Variants in USP13 observed in about 807,000 individuals in gnomAD.
USP13 encodes ubiquitin carboxyl-terminal hydrolase 13.
A neutral mutation model predicts 107.8 loss-of-function variants in USP13; 68 were observed. The observed-to-expected ratio is 0.63, with a 90% CI of 0.52 to 0.77. The LOEUF is 0.77. Ranked by LOEUF, USP13 falls within the 30% of genes least tolerant of loss-of-function variation. USP13 has a pLI of 0.00. For missense variants in USP13, 945 were observed against 1,093.3 expected (o/e 0.86, Z 1.91); for synonymous variants, 377 against 389.5 (o/e 0.97, Z 0.38).
At chr3:179,737,915 G>A (rs1714050100) in intron 10 of USP13, among the ~76,000 whole-genome samples, 1 of 152,238 alleles carries the variant, frequency 6.6e-6, no homozygotes, top group African/African-American at 2.4e-5. Context: ...TATGTTTTCA[G>A]CAAGACAGGG....
chr3:179,671,802 G>A (rs1246516017), intron 1 of USP13, among the ~76,000 whole-genome samples: 1 of 151,892 alleles, frequency 6.6e-6, no homozygotes, highest in Non-Finnish European at 1.5e-5. Context: ...GGTCTTCTTG[G>A]CCTTCCTTTT....
In USP13 at chr3:179,764,121, T is replaced by TCA. The variant is rs773829043; in HGVS notation, c.2213_2214insAC (p.Met739ProfsTer40). On this transcript the variant is annotated frameshift_variant, in exon 18 of 21. Coordinates refer to ENST00000263966, the MANE Select transcript of USP13 (RefSeq NM_003940.3). LOFTEE classifies it high-confidence loss of function. ...AGAGGAAATCGTAGCTATCATCACC[T>TCA]CCATGGGATTTCAGCGAAATCAGGC... 6.2e-7 allele frequency: 1 copy of TCA among 1,613,890 alleles called. No homozygotes were observed. The highest frequency in any genetic ancestry group is 1.7e-5 in the Admixed American group (1 of 59,964).
At position 179,788,918 on chromosome 3, in the gene USP13, A is replaced by G. The variant is rs903664157; in HGVS notation, c.*4777A>G. On this transcript the variant is annotated 3_prime_UTR_variant, in exon 21 of 21. Coordinates refer to ENST00000263966, the MANE Select transcript of USP13 (RefSeq NM_003940.3). ...GATTTTTTTTTTCTGCCGAAAAACCAATATATATATGTATGATCCCAATTA... is the reference window on the plus strand; with the variant it reads ...GATTTTTTTTTTCTGCCGAAAAACCGATATATATATGTATGATCCCAATTA... The G allele has an allele frequency of 4.6e-5, 7 of 152,108 alleles. No individual in the cohort carries two copies. The highest frequency in any genetic ancestry group is 6.5e-5 in the Admixed American group (1 of 15,278). The allele number at this position is 152,108 out of a possible 1,614,324, so 9.4% of individuals were successfully genotyped here.
At chr3:179,741,054 A>T (rs1426797032) in intron 11 of USP13, among the ~76,000 whole-genome samples, 1 of 151,646 alleles carries the variant, frequency 6.6e-6, no homozygotes, top group African/African-American at 2.4e-5. Context: ...TGTGAGCTGG[A>T]AAGCCACTGA....
At chr3:179,777,443 CTTTT>C (rs11317182) in intron 19 of USP13, among the ~76,000 whole-genome samples, 4 of 113,696 alleles carry the variant, frequency 3.5e-5, no homozygotes, top group South Asian at 2.9e-4. Context: ...CTCTCTCTCT[CTTTT>C]TTTTTTTTTT....
At chr3:179,761,823 A>G (rs770507808) in intron 17 of USP13, among the ~76,000 whole-genome samples, 14 of 152,254 alleles carry the variant, frequency 9.2e-5, no homozygotes, top group Non-Finnish European at 7.3e-5. Context: ...CAAAAAGACC[A>G]ATAGAAAGAT....
intron 10 of USP13, among the ~76,000 whole-genome samples, chr3:179,731,515 G>A (rs550673310): frequency 3.9e-5 from 6 of 152,230 alleles, no homozygotes; most frequent in African/African-American, 1.2e-4. Flanking sequence ...GTAAGCTGCC[G>A]GGTGGTTCTT....
At chr3:179,777,831 A>C (rs1715601671) in intron 19 of USP13, among the ~76,000 whole-genome samples, 1 of 152,134 alleles carries the variant, frequency 6.6e-6, no homozygotes, top group Non-Finnish European at 1.5e-5. Flanking sequence ...TAAATTTAAG[A>C]TTAGGAATTT....
chr3:179,736,717 C>T (rs1714008660), intron 10 of USP13, among the ~76,000 whole-genome samples: 1 of 152,150 alleles, frequency 6.6e-6, no homozygotes, highest in Non-Finnish European at 1.5e-5. Context: ...TGAGAATGGG[C>T]CACAGTCCAG....
intron 1 of USP13, among the ~76,000 whole-genome samples, chr3:179,668,440 A>T (rs16830685): frequency 6.6e-6 from 1 of 152,180 alleles, no homozygotes. Flanking sequence ...ATTTACTTCA[A>T]TGGATCTGCT....
At chr3:179,730,325 T>A (rs1713756676) in intron 9 of USP13, 65 bp downstream of exon 9, 1 of 1,494,506 alleles carries the variant, frequency 6.7e-7, no homozygotes, top group Non-Finnish European at 9.1e-7. Context: ...TCATAGTGGA[T>A]ATCTCTGGGT....
intron 3 of USP13, among the ~76,000 whole-genome samples, chr3:179,694,813 A>AG (rs1218662196): frequency 2.0e-5 from 3 of 151,442 alleles, no homozygotes; most frequent in African/African-American, 7.3e-5. Flanking sequence ...AAAAAAAAAA[A>AG]AAAAAAAAAA....
chr3:179,708,738 C>G (rs1288715083), intron 5 of USP13, 35 bp from the exon 6 acceptor site: 11 of 1,608,994 alleles, frequency 6.8e-6, no homozygotes, highest in Non-Finnish European at 9.3e-6. Flanking sequence ...AAATTATGCC[C>G]TGGCTGTTCT....
intron 3 of USP13, among the ~76,000 whole-genome samples, chr3:179,693,993 A>G (rs1354438227): frequency 6.8e-6 from 1 of 147,990 alleles, no homozygotes; most frequent in Non-Finnish European, 1.5e-5. Context: ...TATTTTTGAG[A>G]CAGCATCTCA....
chr3:179,739,979 A>C lies in USP13; in HGVS notation c.1255-268A>C, dbSNP rs569202103. Among the ~76,000 whole-genome samples the C allele has an allele frequency of 2.6e-5, 4 of 152,298 alleles. No homozygotes were observed. The East Asian group carries it at 7.7e-4, about 29-fold the overall frequency. On this transcript the variant is annotated intron_variant, in intron 10 of 20. Coordinates refer to ENST00000263966, the MANE Select transcript of USP13 (RefSeq NM_003940.3). ...GCCGAGTGCCTGACTTTAGAAAGTG[A>C]GTACTTTCTAAAGTGTGTGTCACCT...
intron 8 of USP13, among the ~76,000 whole-genome samples, chr3:179,726,147 G>A (rs368812320): frequency 2.3e-4 from 35 of 152,176 alleles, no homozygotes; most frequent in Non-Finnish European, 1.9e-4. Flanking sequence ...TGAGGGTCTC[G>A]GGAGGCGACT....
intron 1 of USP13, among the ~76,000 whole-genome samples, chr3:179,660,740 T>C (rs1720434283): frequency 6.6e-6 from 1 of 152,248 alleles, no homozygotes; most frequent in South Asian, 2.1e-4. Context: ...TGTGGAAAAC[T>C]CTTCCTCCTG....
chr3:179,773,039 G>A (rs559074023), intron 19 of USP13, among the ~76,000 whole-genome samples: 7 of 152,210 alleles, frequency 4.6e-5, no homozygotes, highest in South Asian at 2.1e-4. Flanking sequence ...TGTATATTGC[G>A]CCTGATATAC....
intron 2 of USP13, among the ~76,000 whole-genome samples, chr3:179,683,215 T>C (rs930946511): frequency 6.6e-6 from 1 of 152,120 alleles, no homozygotes; most frequent in Non-Finnish European, 1.5e-5. Flanking sequence ...TGTGCCTTAC[T>C]AAATTTCCTT....
Sources: allele counts gnomAD v4.1 joint callset (sites outside exome capture counted in the v4.1 genomes callset), GRCh38; gene constraint gnomAD v4.1.1; transcripts MANE v1.5; gene names NCBI Gene and HGNC (gene_info 2026-07-23, HGNC 2026-07-21).